EML4: variants seen among roughly 807,000 people sequenced by gnomAD.
EML4 encodes the protein EMAP like 4, also known as echinoderm microtubule-associated protein-like 4.
EML4 carries 72 observed loss-of-function variants against 129.0 expected under a neutral mutation model. The observed-to-expected ratio is 0.56, with a 90% CI of 0.46 to 0.68. EML4 has a LOEUF of 0.68. EML4 is among the 30% of genes least tolerant of loss of function. The pLI is 0.00. For synonymous variants in EML4, 532 were observed against 405.0 expected, an observed-to-expected ratio of 1.31 and a Z score of -3.77; for missense variants, 1,363 against 1,190.6, an observed-to-expected ratio of 1.14 and a Z score of -2.13.
intron 1 of EML4, among the ~76,000 whole-genome samples, chr2:42,229,333 A>G (rs1477183583): frequency 6.6e-6 from 1 of 152,170 alleles, no homozygotes; most frequent in African/African-American, 2.4e-5. Flanking sequence ...AAGTTAAGAA[A>G]CTTGCCTGGG....
intron 13 of EML4, among the ~76,000 whole-genome samples, chr2:42,299,410 G>T (rs1044168980): frequency 1.3e-5 from 2 of 152,124 alleles, no homozygotes; most frequent in Non-Finnish European, 2.9e-5. Context: ...AATCTACCCT[G>T]TTGAAGTATG....
chr2:42,310,933 A>G (rs1668908606), intron 17 of EML4, among the ~76,000 whole-genome samples: 1 of 152,250 alleles, frequency 6.6e-6, no homozygotes, highest in East Asian at 1.9e-4. Flanking sequence ...AAAATTATAT[A>G]TGGAAGTTGT....
chr2:42,218,555 C>G (rs757199339), intron 1 of EML4, among the ~76,000 whole-genome samples: 2 of 152,078 alleles, frequency 1.3e-5, no homozygotes, highest in African/African-American at 4.8e-5. Context: ...TTGAGAATTA[C>G]TACTTGGATC....
At chr2:42,240,183 C>T (rs1674931545) in intron 1 of EML4, among the ~76,000 whole-genome samples, 1 of 152,164 alleles carries the variant, frequency 6.6e-6, no homozygotes, top group Non-Finnish European at 1.5e-5. Flanking sequence ...CACTGGAACA[C>T]TGTAACTGGA....
At chr2:42,196,042 C>G (rs1163731249) in intron 1 of EML4, among the ~76,000 whole-genome samples, 1 of 152,022 alleles carries the variant, frequency 6.6e-6, no homozygotes, top group Non-Finnish European at 1.5e-5. Context: ...GTATTTTATT[C>G]TCATCAAATT....
intron 2 of EML4, among the ~76,000 whole-genome samples, chr2:42,246,510 G>A (rs549301432): frequency 1.3e-5 from 2 of 152,296 alleles, no homozygotes; most frequent in South Asian, 4.1e-4. Context: ...TTCTAGCTGA[G>A]TAGGAGATAG....
At chr2:42,236,313 C>G (rs7557696) in intron 1 of EML4, among the ~76,000 whole-genome samples, 6 of 152,060 alleles carry the variant, frequency 3.9e-5, no homozygotes, top group African/African-American at 7.3e-5. Context: ...ACAATTTACC[C>G]GTTTTACAAT....
chr2:42,274,066 G>A (rs1457380673), intron 6 of EML4, among the ~76,000 whole-genome samples: 1 of 152,146 alleles, frequency 6.6e-6, no homozygotes, highest in Non-Finnish European at 1.5e-5. Context: ...AATATTTCTA[G>A]CATTTTGGTT....
intron 1 of EML4, among the ~76,000 whole-genome samples, chr2:42,244,827 T>A (rs1234566151): frequency 2.0e-5 from 3 of 152,112 alleles, no homozygotes; most frequent in African/African-American, 7.2e-5. Context: ...ATAATGTAAT[T>A]AAGAAAGGTT....
At chr2:42,189,791 T>A (rs1017496623) in intron 1 of EML4, among the ~76,000 whole-genome samples, 3 of 152,206 alleles carry the variant, frequency 2.0e-5, no homozygotes, top group African/African-American at 7.2e-5. Flanking sequence ...TATACGATAC[T>A]TTTTTCATTT....
chr2:42,218,778 T>C lies in EML4; in HGVS notation c.26-26727T>C, dbSNP rs540079019. On this transcript the variant is annotated intron_variant, in intron 1 of 22. Coordinates refer to ENST00000318522, the MANE Select transcript of EML4 (RefSeq NM_019063.5). ...TTTGACCACAAGAATATTTGAATTT[T>C]GGATTTTAACCAGTAGTATGGTAGT... Among the ~76,000 whole-genome samples the C allele has an allele frequency of 3.3e-4, 50 of 152,358 alleles. 2 individuals are homozygous for C. In the South Asian group the frequency reaches 0.01, roughly 32 times the overall value.
intron 6 of EML4, among the ~76,000 whole-genome samples, chr2:42,279,082 G>C (rs538181243): frequency 6.6e-6 from 1 of 152,158 alleles, no homozygotes; most frequent in African/African-American, 2.4e-5. Context: ...TCTTAGCACT[G>C]TCTTGAAAAT....
chr2:42,327,524 G>A (rs959904761), intron 21 of EML4, among the ~76,000 whole-genome samples: 1 of 152,170 alleles, frequency 6.6e-6, no homozygotes, highest in African/African-American at 2.4e-5. Flanking sequence ...TTTGCGTGTG[G>A]ATGTCTAGTT....
At chr2:42,215,562 T>C (rs896431421) in intron 1 of EML4, among the ~76,000 whole-genome samples, 1 of 151,704 alleles carries the variant, frequency 6.6e-6, no homozygotes, top group African/African-American at 2.4e-5. Context: ...AAAAAAAAAA[T>C]TTTGCAGTGA....
chr2:42,202,501 C>G (rs2103971265), intron 1 of EML4, among the ~76,000 whole-genome samples: 1 of 152,304 alleles, frequency 6.6e-6, no homozygotes, highest in Non-Finnish European at 1.5e-5. Context: ...TATTGACTCA[C>G]ATGATCACAA....
At position 42,301,276 on chromosome 2, in the gene EML4, G is replaced by T; in HGVS notation, c.1525G>T (p.Asp509Tyr). 6.2e-7 allele frequency: 1 copy of T among 1,612,838 alleles called. No individual in the cohort carries two copies. Among genetic ancestry groups the T allele is most frequent in the East Asian group, 2.2e-5 (1 of 44,714 alleles). ...AATCAGCAAACAAATCAAAGCTCAT[G>T]ATGGCAGTGTGTTCACACTTTGTCA... Reference protein sequence around the residue: ...YQISKQIKAHDGSVFTLCQMR... With the variant: ...YQISKQIKAHYGSVFTLCQMR... The change falls in exon 14 of 23, where the codon GAT becomes TAT. Residue 509 changes from aspartate to tyrosine, a missense_variant. Physicochemically the swap from Asp to Tyr is radical, Grantham distance 160. Transcript: ENST00000318522.
intron 1 of EML4, among the ~76,000 whole-genome samples, chr2:42,220,881 A>G (rs1044530354): frequency 8.5e-5 from 13 of 152,218 alleles, no homozygotes. Flanking sequence ...CAGACCAGAC[A>G]CAACATTCCC....
chr2:42,221,664 C>T (rs766366464), intron 1 of EML4, among the ~76,000 whole-genome samples: 8 of 151,774 alleles, frequency 5.3e-5, no homozygotes, highest in African/African-American at 1.9e-4. Context: ...AATGCAGTGG[C>T]GTGATCTCGG....
intron 1 of EML4, among the ~76,000 whole-genome samples, chr2:42,236,544 T>G (rs766457813): frequency 2.0e-5 from 3 of 152,234 alleles, no homozygotes; most frequent in African/African-American, 4.8e-5. Flanking sequence ...TTCTAGCTGT[T>G]TTTGTGTTAC....
Sources: gnomAD v4.1 joint callset for allele counts (sites outside exome capture counted in the v4.1 genomes callset) on GRCh38, gnomAD v4.1.1 for gene constraint, MANE v1.5 for transcripts, NCBI Gene and HGNC (gene_info 2026-07-23, HGNC 2026-07-21) for gene names.